Variants in HMGN5 observed in about 807,000 individuals in gnomAD.
The protein encoded by HMGN5 is high mobility group nucleosome-binding domain-containing protein 5.
A neutral mutation model predicts 9.5 loss-of-function variants in HMGN5; 4 were observed. The ratio of observed to expected loss-of-function variants is 0.42; its 90% CI spans 0.21 to 0.96. HMGN5 has a LOEUF of 0.96. Among genes scored for constraint, HMGN5 ranks in the 40% least tolerant of loss-of-function variants. The probability of loss-of-function intolerance (pLI) is 0.30; values close to 1 mark genes in which losing one functional copy is unlikely to be tolerated. For synonymous variants in HMGN5, 55 were observed against 57.1 expected, an observed-to-expected ratio of 0.96 and a Z score of 0.16; for missense variants, 192 against 187.5, an observed-to-expected ratio of 1.02 and a Z score of -0.14.
intron 2 of HMGN5, among the ~76,000 whole-genome samples, chrX:81,120,912 G>A (rs1047617535): frequency 9.9e-5 from 11 of 111,112 alleles, no homozygotes; most frequent in African/African-American, 3.0e-4. Context: ...TAGCTAAAGA[G>A]CTTGGAAAGG....
intron 1 of HMGN5, among the ~76,000 whole-genome samples, chrX:81,165,619 G>A (rs182717742): frequency 3.2e-4 from 36 of 111,196 alleles, no homozygotes; most frequent in South Asian, 7.7e-4. Flanking sequence ...TTTGAGACTG[G>A]GGTCTCTTCA....
intron 1 of HMGN5, among the ~76,000 whole-genome samples, chrX:81,124,825 T>A (rs755148405): frequency 9.0e-6 from 1 of 111,011 alleles, no homozygotes; most frequent in African/African-American, 3.3e-5. Flanking sequence ...GCCTGACAAT[T>A]CTCCACAGAA....
intron 1 of HMGN5, among the ~76,000 whole-genome samples, chrX:81,150,572 A>G (rs2075358478): frequency 8.9e-6 from 1 of 112,072 alleles, no homozygotes; most frequent in Non-Finnish European, 1.9e-5. Flanking sequence ...GTCTTGCAAA[A>G]CAAAACAAAA....
intron 1 of HMGN5, among the ~76,000 whole-genome samples, chrX:81,147,929 T>C (rs886647694): frequency 9.0e-6 from 1 of 111,482 alleles, no homozygotes; most frequent in African/African-American, 3.3e-5. Flanking sequence ...TTACAGGGGA[T>C]GTGAAGGACC....
intron 6 of HMGN5, 145 bp from the exon 7 acceptor site, chrX:81,115,375 C>A (rs1336260317): frequency 3.2e-6 from 2 of 631,005 alleles, no homozygotes; most frequent in African/African-American, 2.3e-5. Flanking sequence ...AAGAAGCCTG[C>A]TAAATATCAC....
At chrX:81,146,769 A>G (rs1349274276) in intron 1 of HMGN5, among the ~76,000 whole-genome samples, 1 of 111,864 alleles carries the variant, frequency 8.9e-6, no homozygotes, top group African/African-American at 3.3e-5. Context: ...ATAAAGAAGA[A>G]AAGAGAGAAG....
Position 81,114,565 on chromosome X carries a change from A to C in HMGN5, c.*84T>G. ...TGCTAAAGAAAGGCTGTGTTTATAAAATTTTTGATAAAAATATTTATCTCT... is the reference window on the plus strand; with the variant it reads ...TGCTAAAGAAAGGCTGTGTTTATAACATTTTTGATAAAAATATTTATCTCT... On this transcript the variant is annotated 3_prime_UTR_variant, in exon 7 of 7. Transcript: ENST00000358130. The C allele has an allele frequency of 1.1e-6, 1 of 896,264 alleles. No individual in the cohort carries two copies. Among genetic ancestry groups the C allele is most frequent in the Non-Finnish European group, 1.4e-6 (1 of 692,272 alleles). The allele number at this position is 896,264 out of a possible 1,213,427, so 73.9% of individuals were successfully genotyped here.
intron 1 of HMGN5, among the ~76,000 whole-genome samples, chrX:81,201,354 T>G (rs1483932234): frequency 9.0e-6 from 1 of 111,091 alleles, no homozygotes; most frequent in Non-Finnish European, 1.9e-5. Flanking sequence ...TCTTCACCAT[T>G]TCAACATCTG....
chrX:81,163,538 T>G (rs2075403272), intron 1 of HMGN5, among the ~76,000 whole-genome samples: 1 of 111,936 alleles, frequency 8.9e-6, no homozygotes, highest in Admixed American at 9.5e-5. Context: ...ATGATTTGTT[T>G]GTTTTAGTCT....
intron 1 of HMGN5, among the ~76,000 whole-genome samples, chrX:81,175,393 A>G (rs1272112435): frequency 9.0e-6 from 1 of 110,947 alleles, no homozygotes; most frequent in Non-Finnish European, 1.9e-5. Context: ...ATTATTCTAG[A>G]CTAACGGCCT....
chrX:81,201,898 G>A lies in HMGN5; in HGVS notation c.-285C>T. 3.2e-6 allele frequency: 1 copy of A among 311,809 alleles called. No homozygotes were observed. The highest frequency in any genetic ancestry group is 5.5e-6 in the Non-Finnish European group (1 of 180,585). The allele number at this position is 311,809 out of a possible 1,213,427, so 25.7% of individuals were successfully genotyped here. On this transcript the variant is annotated 5_prime_UTR_variant, in exon 1 of 7. Coordinates refer to ENST00000358130, the MANE Select transcript of HMGN5 (RefSeq NM_030763.3). ...TTCTCCTCGCCCTCTTCTCAGGGAA[G>A]GAATCGTCAAAAATCAATGTTTCAA...
intron 1 of HMGN5, among the ~76,000 whole-genome samples, 198 bp from the exon 2 acceptor site, chrX:81,121,870 G>A (rs2075269953): frequency 8.9e-6 from 1 of 112,660 alleles, no homozygotes; most frequent in Admixed American, 9.3e-5. Flanking sequence ...TCTAACCGCT[G>A]GTGTAGTGGC....
chrX:81,140,067 G>C (rs1385414290), intron 1 of HMGN5, among the ~76,000 whole-genome samples: 1 of 111,814 alleles, frequency 8.9e-6, no homozygotes, highest in East Asian at 2.8e-4. Context: ...TGCATAGCTG[G>C]CAGTCTTAAA....
chrX:81,133,090 T>A (rs1169480015), intron 1 of HMGN5, among the ~76,000 whole-genome samples: 1 of 110,482 alleles, frequency 9.1e-6, no homozygotes, highest in Non-Finnish European at 1.9e-5. Context: ...TGGCCAACAA[T>A]CACATTAAAA....
intron 1 of HMGN5, among the ~76,000 whole-genome samples, chrX:81,135,410 A>T (rs4826210): frequency 1.3e-4 from 15 of 111,803 alleles, no homozygotes; most frequent in Non-Finnish European, 2.3e-4. Flanking sequence ...TTGTATAGGC[A>T]TTATTTATTA....
chrX:81,115,237 G>A lies in HMGN5; in HGVS notation c.268-7C>T. On this transcript the variant is annotated splice_polypyrimidine_tract_variant and splice_region_variant and intron_variant, in intron 6 of 6. Transcript: ENST00000358130. ...CTTTTTCAGAAGCTGGTGCCTGTAA[G>A]TATAGTGAAAAGAAAAACAAGATTC... The A allele has an allele frequency of 8.8e-7, 1 of 1,139,866 alleles. No homozygotes were observed. Among genetic ancestry groups the A allele is most frequent in the East Asian group, 3.1e-5 (1 of 32,498 alleles). The allele number at this position is 1,139,866 out of a possible 1,213,427, so 93.9% of individuals were successfully genotyped here. A position where few individuals can be genotyped will look rare whatever the true frequency, so the allele number is the denominator to read the frequency against.
At chrX:81,181,483 A>G (rs1030480213) in intron 1 of HMGN5, among the ~76,000 whole-genome samples, 7 of 111,309 alleles carry the variant, frequency 6.3e-5, no homozygotes, top group African/African-American at 9.8e-5. Context: ...CAGTTTTTGA[A>G]AAAGGTATAA....
chrX:81,175,846 G>T (rs1373825126), intron 1 of HMGN5, among the ~76,000 whole-genome samples: 1 of 111,957 alleles, frequency 8.9e-6, no homozygotes, highest in African/African-American at 3.2e-5. Context: ...AACAGCTCCA[G>T]TCGGCAGATC....
chrX:81,166,019 T>A lies in HMGN5; in HGVS notation c.-124+35718A>T, dbSNP rs565704556. 2.7e-5 allele frequency among the ~76,000 whole-genome samples: 3 copies of A among 110,806 alleles called. No individual in the cohort carries two copies. The South Asian group carries it at 1.2e-3, about 42-fold the overall frequency. Reference sequence around the variant, plus strand: ...AGGACCAAATAATTCTCTCTCTGTGTGGGGGAGATGGGGACTGCCTTGTGC... The same window carrying A: ...AGGACCAAATAATTCTCTCTCTGTGAGGGGGAGATGGGGACTGCCTTGTGC... On this transcript the variant is annotated intron_variant, in intron 1 of 6. Transcript: ENST00000358130.
Sources: allele counts gnomAD v4.1 joint callset (sites outside exome capture counted in the v4.1 genomes callset), GRCh38; gene constraint gnomAD v4.1.1; transcripts MANE v1.5; gene names NCBI Gene and HGNC (gene_info 2026-07-23, HGNC 2026-07-21).